Variants in ASAP1 observed in about 807,000 individuals in gnomAD.
The protein encoded by ASAP1 is arf-GAP with SH3 domain, ANK repeat and PH domain-containing protein 1.
ASAP1 carries 43 observed loss-of-function variants against 145.2 expected under a neutral mutation model. The observed-to-expected ratio is 0.30, with a 90% CI of 0.23 to 0.38. The LOEUF (loss-of-function observed/expected upper bound fraction) is 0.38. Ranked by LOEUF, ASAP1 falls within the 10% of genes least tolerant of loss-of-function variation. ASAP1 has a pLI of 1.00. For missense variants in ASAP1, 1,018 were observed against 1,355.3 expected (o/e 0.75, Z 3.91); for synonymous variants, 546 against 515.5 (o/e 1.06, Z -0.80).
intron 25 of ASAP1, chr8:130,084,507 C>T (rs964940604): frequency 6.6e-6 from 1 of 152,208 alleles, no homozygotes; most frequent in Non-Finnish European, 1.5e-5. Context: ...CTCCTGGTCA[C>T]CTACCATAGC....
chr8:130,390,933 T>TTC (rs1554902141), intron 2 of ASAP1, among the ~76,000 whole-genome samples: 68 of 133,186 alleles, frequency 5.1e-4, no homozygotes, highest in African/African-American at 1.3e-3. Context: ...TGGGTATATA[T>TTC]CCCCCGCCCC....
chr8:130,172,476 AT>A (rs964235743), intron 9 of ASAP1, among the ~76,000 whole-genome samples: 37 of 148,674 alleles, frequency 2.5e-4, no homozygotes, highest in African/African-American at 4.2e-4. Context: ...TCTCTTCCCA[AT>A]TTTTTTTTTT....
chr8:130,123,946 T>C, intron 18 of ASAP1, 67 bp downstream of exon 18: 1 of 1,305,290 alleles, frequency 7.7e-7, no homozygotes, highest in Non-Finnish European at 1.1e-6. Context: ...AAAAAGAAGT[T>C]TTTTGGAAGG....
chr8:130,232,054 G>C (rs766539612), intron 4 of ASAP1, among the ~76,000 whole-genome samples: 2 of 152,220 alleles, frequency 1.3e-5, no homozygotes, highest in African/African-American at 4.8e-5. Context: ...CCATAGGACT[G>C]CTTGAGTATC....
At chr8:130,215,230 A>G (rs1432859485) in intron 4 of ASAP1, among the ~76,000 whole-genome samples, 1 of 152,066 alleles carries the variant, frequency 6.6e-6, no homozygotes, top group African/African-American at 2.4e-5. Context: ...AATTTAGCTC[A>G]TTTATAGTCC....
intron 3 of ASAP1, among the ~76,000 whole-genome samples, chr8:130,256,759 A>ATCCT (rs1554860224): frequency 1.0e-5 from 1 of 95,752 alleles, no homozygotes; most frequent in Non-Finnish European, 2.3e-5. Context: ...ATATATATAT[A>ATCCT]TATATATATA....
rs143446191 is a variant in ASAP1, at chr8:130,278,896, G to C, written c.187-41902C>G. ...TTTCATAAAGGCCCTCACAATTAGAGAGTGTTAGGCATGTTTACAAAGCCC... is the reference window on the plus strand; with the variant it reads ...TTTCATAAAGGCCCTCACAATTAGACAGTGTTAGGCATGTTTACAAAGCCC... On this transcript the variant is annotated intron_variant, in intron 3 of 29. Coordinates refer to ENST00000518721, the MANE Select transcript of ASAP1 (RefSeq NM_018482.4). 1.8e-4 allele frequency among the ~76,000 whole-genome samples: 27 copies of C among 152,196 alleles called. No individual in the cohort carries two copies. In the East Asian group the frequency reaches 5.0e-3, roughly 28 times the overall value.
chr8:130,340,466 T>C (rs1206523868), intron 3 of ASAP1, among the ~76,000 whole-genome samples: 1 of 152,244 alleles, frequency 6.6e-6, no homozygotes, highest in East Asian at 1.9e-4. Context: ...CTTCATACTA[T>C]CACTTTTCTA....
At chr8:130,424,870 G>A (rs936541055) in intron 1 of ASAP1, among the ~76,000 whole-genome samples, 10 of 152,072 alleles carry the variant, frequency 6.6e-5, no homozygotes, top group African/African-American at 2.2e-4. Flanking sequence ...GCAGGTGCCT[G>A]TAGTTCCAGC....
chr8:130,086,620 A>G (rs2097493786), intron 25 of ASAP1, among the ~76,000 whole-genome samples: 1 of 152,190 alleles, frequency 6.6e-6, no homozygotes, highest in Non-Finnish European at 1.5e-5. Flanking sequence ...CCTGGGCAAT[A>G]TGGTGAAACC....
intron 3 of ASAP1, among the ~76,000 whole-genome samples, chr8:130,350,601 G>A (rs1297387262): frequency 1.3e-5 from 2 of 152,242 alleles, no homozygotes; most frequent in African/African-American, 4.8e-5. Context: ...CATTTGGCAT[G>A]AGAGTTATGC....
chr8:130,346,354 CAGGA>C, intron 3 of ASAP1, among the ~76,000 whole-genome samples: 1 of 152,190 alleles, frequency 6.6e-6, no homozygotes. Context: ...AATACACTGT[CAGGA>C]AGTTCTTCTG....
chr8:130,426,013 G>A (rs561978598), intron 1 of ASAP1, among the ~76,000 whole-genome samples: 1 of 152,160 alleles, frequency 6.6e-6, no homozygotes, highest in South Asian at 2.1e-4. Flanking sequence ...TGCTTGATAT[G>A]GTTTGGATCT....
chr8:130,325,004 C>T (rs1006956546), intron 3 of ASAP1, among the ~76,000 whole-genome samples: 2 of 152,150 alleles, frequency 1.3e-5, no homozygotes, highest in South Asian at 2.1e-4. Context: ...GGCTGCTCAC[C>T]GGCAGCCCTG....
At chr8:130,062,573 G>A (rs2097421861) in intron 27 of ASAP1, among the ~76,000 whole-genome samples, 1 of 152,210 alleles carries the variant, frequency 6.6e-6, no homozygotes, top group Non-Finnish European at 1.5e-5. Flanking sequence ...TCCCTGAGGT[G>A]GTGGGGCTAG....
intron 2 of ASAP1, among the ~76,000 whole-genome samples, chr8:130,389,130 G>A (rs1828158113): frequency 6.6e-6 from 1 of 151,836 alleles, no homozygotes; most frequent in Admixed American, 6.6e-5. Flanking sequence ...TGTTGTTGCT[G>A]CTGTTGTTGT....
At chr8:130,305,754 A>G (rs1315340273) in intron 3 of ASAP1, among the ~76,000 whole-genome samples, 1 of 152,188 alleles carries the variant, frequency 6.6e-6, no homozygotes, top group African/African-American at 2.4e-5. Flanking sequence ...CAGTTACACT[A>G]GCCTTAAGTC....
In ASAP1 at chr8:130,104,030, C is replaced by T. The variant is rs139493168; in HGVS notation, c.2401+8064G>A. On this transcript the variant is annotated intron_variant, in intron 24 of 29. Transcript: ENST00000518721. ...GGCTTAATGGATATTCTCTACCATA[C>T]ATTACAGCTACAATTTCTCTTCCTT... Among the ~76,000 whole-genome samples the T allele has an allele frequency of 1.2e-3, 182 of 152,242 alleles. 1 individual carries two copies. The highest frequency in any genetic ancestry group is 4.1e-3 in the African/African-American group (170 of 41,538).
rs116368959 is a variant in ASAP1, at chr8:130,127,920, C to T, written c.1381+7G>A. 7.0e-5 allele frequency: 113 copies of T among 1,610,774 alleles called. No individual in the cohort carries two copies. In the African/African-American group the frequency reaches 1.3e-3, roughly 18 times the overall value. On this transcript the variant is annotated splice_region_variant and intron_variant, in intron 16 of 29. Transcript: ENST00000518721. ...GTAAAAGCTCGTTCAAATATGGGGACAAAAACCTGATGAGCCACAATCGCA... is the reference window on the plus strand; with the variant it reads ...GTAAAAGCTCGTTCAAATATGGGGATAAAAACCTGATGAGCCACAATCGCA...
Sources: allele counts gnomAD v4.1 joint callset (sites outside exome capture counted in the v4.1 genomes callset), GRCh38; gene constraint gnomAD v4.1.1; transcripts MANE v1.5; gene names NCBI Gene and HGNC (gene_info 2026-07-23, HGNC 2026-07-21).